The following AMN variants were observed in gnomAD, a reference collection of about 807,000 sequenced individuals.
The protein encoded by AMN is amnion associated transmembrane protein, also known as protein amnionless.
A neutral mutation model predicts 49.1 loss-of-function variants in AMN; 40 were observed. That is an observed-to-expected ratio of 0.81 (90% CI 0.63 to 1.06). AMN has a LOEUF of 1.06. Among genes scored for constraint, AMN ranks in the 50% least tolerant of loss-of-function variants. AMN has a pLI of 0.00. For synonymous variants in AMN, 380 were observed against 313.3 expected (o/e 1.21, Z -2.25); for missense variants, 701 against 662.8 (o/e 1.06, Z -0.63).
intron 3 of AMN, among the ~76,000 whole-genome samples, chr14:102,928,033 T>C (rs1056547898): frequency 6.6e-6 from 1 of 152,184 alleles, no homozygotes; most frequent in Non-Finnish European, 1.5e-5. Context: ...CTTTAGTTCC[T>C]GGAACCTGGG....
In AMN at chr14:102,929,663, G is replaced by C; in HGVS notation, c.769G>C (p.Val257Leu). The change falls in exon 8 of 12, where the codon GTG becomes CTG. Residue 257 changes from valine (V) to leucine (L), a missense_variant. Transcript: ENST00000299155. The part of the protein sequence containing the change: ...GQCCDLCGAV[V>L]LLTHGPAFDL... ...CTGCCCTCCCGCCGCAGGAGCCGTTGTGTTGCTGACCCACGGCCCCGCATT... is the reference window on the plus strand; with the variant it reads ...CTGCCCTCCCGCCGCAGGAGCCGTTCTGTTGCTGACCCACGGCCCCGCATT... 1 of 1,549,668 alleles carries C rather than the reference G, an allele frequency of 6.5e-7. No homozygotes were observed. The highest frequency in any genetic ancestry group is 8.7e-7 in the Non-Finnish European group (1 of 1,147,074).
Position 102,928,887 on chromosome 14 carries a change from T to A in AMN, c.425T>A (p.Val142Asp). The A allele has an allele frequency of 6.2e-7, 1 of 1,603,826 alleles. No individual in the cohort carries two copies. The highest frequency in any genetic ancestry group is 8.5e-7 in the Non-Finnish European group (1 of 1,179,746). Residue 142 changes from valine (V) to aspartate (D), a missense_variant, in exon 5 of 12, where the codon GTC becomes GAC. By Grantham distance (152) the Val-to-Asp change is radical. Coordinates refer to ENST00000299155, the MANE Select transcript of AMN (RefSeq NM_030943.4). Reference protein sequence around the residue: ...AERVPCRHDDVFFPPSASFRV... With the variant: ...AERVPCRHDDDFFPPSASFRV... The stretch of plus-strand genomic sequence containing the variant: ...CGCGTGCCCTGCCGCCACGACGACG[T>A]CTTCTTTCCGCCTAGTGCCTCCTTC...
In AMN at chr14:102,929,651, G is replaced by A. The variant is rs531701170; in HGVS notation, c.761-4G>A. On this transcript the variant is annotated splice_region_variant and splice_polypyrimidine_tract_variant and intron_variant, in intron 7 of 11. Coordinates refer to ENST00000299155, the MANE Select transcript of AMN (RefSeq NM_030943.4). ...CGGCGCTGACCCCTGCCCTCCCGCC[G>A]CAGGAGCCGTTGTGTTGCTGACCCA... 52 of 1,549,140 alleles carry A rather than the reference G, an allele frequency of 3.4e-5. No homozygotes were observed. In the Middle Eastern group the frequency reaches 8.0e-4, roughly 24 times the overall value.
In AMN at chr14:102,928,916, G is replaced by T. The variant is rs201055900; in HGVS notation, c.454G>T (p.Val152Leu). The change falls in exon 5 of 12, where the codon GTG becomes TTG. Residue 152 changes from valine (V) to leucine (L), a missense_variant. Transcript: ENST00000299155. The part of the protein sequence containing the change: ...VFFPPSASFR[V>L]GLGPGASPVR... ...CTTTCCGCCTAGTGCCTCCTTCCGC[G>T]TGGGGCTCGGCCCTGGCGCTAGCCC... 136 of 1,602,134 alleles carry T rather than the reference G, an allele frequency of 8.5e-5. No individual in the cohort carries two copies. In the East Asian group the frequency reaches 3.0e-3, roughly 35 times the overall value.
chr14:102,926,386 C>T (rs1477261720), intron 3 of AMN, among the ~76,000 whole-genome samples: 3 of 152,092 alleles, frequency 2.0e-5, no homozygotes, highest in Admixed American at 2.0e-4. Context: ...TGTTGTGGGT[C>T]TCTCTGAGCC....
At position 102,928,778 on chromosome 14, in the gene AMN, G is replaced by A. The variant is rs1414522498; in HGVS notation, c.316G>A (p.Asp106Asn). The change falls in exon 5 of 12, where the codon GAC becomes AAC. Residue 106 changes from aspartate to asparagine, a missense_variant. Physicochemically the swap from Asp to Asn is conservative, Grantham distance 23. Coordinates refer to ENST00000299155, the MANE Select transcript of AMN (RefSeq NM_030943.4). ...CGAGEPAVFR[D>N]SDRFSWHDPH... ...CTCAGGCGAACCTGCCGTCTTCCGC[G>A]ACTCTGACCGCTTCTCCTGGCATGA... 2 of 1,608,572 alleles carry A rather than the reference G, an allele frequency of 1.2e-6. No homozygotes were observed. The highest frequency in any genetic ancestry group is 1.1e-5 in the South Asian group (1 of 91,070).
intron 3 of AMN, among the ~76,000 whole-genome samples, chr14:102,924,335 A>G (rs1054474432): frequency 3.6e-5 from 4 of 110,620 alleles, no homozygotes; most frequent in East Asian, 2.4e-4. Context: ...CACTAGGGAA[A>G]GTGTCCCCAA....
rs779483487 is a variant in AMN, at chr14:102,928,464, A to G, written c.246A>G (p.Gly82=). The change falls in exon 4 of 12, where the codon GGA becomes GGG. Residue 82 remains glycine (G), a synonymous_variant. Coordinates refer to ENST00000299155, the MANE Select transcript of AMN (RefSeq NM_030943.4). ...PLDGELVLAS[G]AGFGVSDVGS... ...ATGGGGAACTCGTCCTGGCTTCAGG[A>G]GCCGGATTCGGCGTCTCAGACGTGG... is the stretch of plus-strand genomic sequence containing the variant. 22 of 1,609,196 alleles carry G rather than the reference A, an allele frequency of 1.4e-5. No homozygotes were observed. The highest frequency in any genetic ancestry group is 1.8e-5 in the Non-Finnish European group (21 of 1,178,968).
Position 102,929,744 on chromosome 14 carries a change from G to A in AMN, c.843+7G>A. The A allele has an allele frequency of 1.3e-6, 2 of 1,549,614 alleles. No homozygotes were observed. Among genetic ancestry groups the A allele is most frequent in the Non-Finnish European group, 1.7e-6 (2 of 1,146,936 alleles). ...GGACACCTTCCTGGGTCTGGTAATG[G>A]GGCCGCGCGGGCAGCTGAGGGGAGT... is the stretch of plus-strand genomic sequence containing the variant. On this transcript the variant is annotated splice_region_variant and intron_variant, in intron 8 of 11. Coordinates refer to ENST00000299155, the MANE Select transcript of AMN (RefSeq NM_030943.4).
Position 102,929,647 on chromosome 14 carries a change from C to T in AMN, c.761-8C>T, listed in dbSNP as rs1891285205. On this transcript the variant is annotated splice_region_variant and splice_polypyrimidine_tract_variant and intron_variant, in intron 7 of 11. Coordinates refer to ENST00000299155, the MANE Select transcript of AMN (RefSeq NM_030943.4). ...TCCACGGCGCTGACCCCTGCCCTCC[C>T]GCCGCAGGAGCCGTTGTGTTGCTGA... The T allele has an allele frequency of 6.5e-7, 1 of 1,549,102 alleles. No homozygotes were observed. The highest frequency in any genetic ancestry group is 8.7e-7 in the Non-Finnish European group (1 of 1,146,858).
In AMN at chr14:102,928,590, G is replaced by T. The variant is rs1020598607; in HGVS notation, c.295+77G>T. ...GGACTGGAGGGAAGGCGCGTCGAGG[G>T]GGGCGAGGACCGGAGGGAGGGCGCC... On this transcript the variant is annotated intron_variant, in intron 4 of 11. Transcript: ENST00000299155. 4 of 1,527,052 alleles carry T rather than the reference G, an allele frequency of 2.6e-6. No individual in the cohort carries two copies. The African/African-American group carries it at 4.1e-5, about 16-fold the overall frequency. The allele number at this position is 1,527,052 out of a possible 1,614,324, so 94.6% of individuals were successfully genotyped here. A position where few individuals can be genotyped will look rare whatever the true frequency, so the allele number is the denominator to read the frequency against.
rs1891130896 is a variant in AMN, at chr14:102,923,985, G to A, written c.207+6G>A. The A allele has an allele frequency of 6.2e-7, 1 of 1,613,160 alleles. No homozygotes were observed. Among genetic ancestry groups the A allele is most frequent in the Non-Finnish European group, 8.5e-7 (1 of 1,180,040 alleles). On this transcript the variant is annotated splice_donor_region_variant and intron_variant, in intron 3 of 11. Coordinates refer to ENST00000299155, the MANE Select transcript of AMN (RefSeq NM_030943.4). ...GTCACGCCGTCTCAGACATGGTAAG[G>A]CCGGGCTGCTACTGCCACTGGGCTG...
intron 1 of AMN, chr14:102,923,253 C>T (rs941122642): frequency 2.2e-5 from 6 of 275,328 alleles, no homozygotes; most frequent in East Asian, 2.0e-4. Context: ...CCCCCAGCCC[C>T]TTCTTACTTC....
chr14:102,930,052 G>A lies in AMN; in HGVS notation c.972G>A (p.Leu324=). ...CCGAGACAGGCGGAGCGGGGCGGCT[G>A]GCCCGGGCCCTCCTGGCGGACGTCG... ...NGPETGGAGR[L]ARALLADVAE... is the part of the protein sequence containing the mutation. Residue 324 remains leucine, a synonymous_variant, in exon 9 of 12, where the codon CTG becomes CTA. Coordinates refer to ENST00000299155, the MANE Select transcript of AMN (RefSeq NM_030943.4). 3 of 1,546,588 alleles carry A rather than the reference G, an allele frequency of 1.9e-6. No individual in the cohort carries two copies. The highest frequency in any genetic ancestry group is 2.6e-6 in the Non-Finnish European group (3 of 1,146,360).
In AMN at chr14:102,929,001, G is replaced by A. The variant is rs757258321; in HGVS notation, c.513+26G>A. 3 of 1,595,826 alleles carry A rather than the reference G, an allele frequency of 1.9e-6. No individual in the cohort carries two copies. The African/African-American group carries it at 4.0e-5, about 21-fold the overall frequency. The stretch of plus-strand genomic sequence containing the variant: ...GTGAGCACTGAGGGGAGGGAGGCTC[G>A]GGTCCCCTCTCCCCACCTCGGCCCG... On this transcript the variant is annotated intron_variant, in intron 5 of 11. Coordinates refer to ENST00000299155, the MANE Select transcript of AMN (RefSeq NM_030943.4).
chr14:102,926,502 T>C (rs28548211), intron 3 of AMN, among the ~76,000 whole-genome samples: 59,610 of 151,814 alleles, frequency 0.39, 12,020 homozygotes, highest in Middle Eastern at 0.46. Flanking sequence ...CAAGGTTCTT[T>C]GTGGATCTCA....
chr14:102,930,485 G>T lies in AMN; in HGVS notation c.1249G>T (p.Glu417Ter). The part of the protein sequence containing the change: ...RNPVFDVTAS[E>*]ELPLPRRLSL... ...CCCGGTGTTCGACGTGACGGCCTCC[G>T]AGGAGCTGGTGAGGGGGCTGGAGGG... The change falls in exon 11 of 12, where the codon GAG becomes TAG. Residue 417 changes from glutamate (E) to a stop codon, truncating the protein, a stop_gained. Transcript: ENST00000299155. LOFTEE classifies it low-confidence loss of function (END_TRUNC). 6.5e-7 allele frequency: 1 copy of T among 1,534,846 alleles called. No individual in the cohort carries two copies.
chr14:102,924,542 C>G (rs1343727940), intron 3 of AMN, among the ~76,000 whole-genome samples: 2 of 152,166 alleles, frequency 1.3e-5, no homozygotes, highest in African/African-American at 4.8e-5. Context: ...TGAGATGGGA[C>G]AGCTTAATCC....
chr14:102,929,976 G>C lies in AMN; in HGVS notation c.896G>C (p.Arg299Pro). Residue 299 changes from arginine (R) to proline (P), a missense_variant, in exon 9 of 12, where the codon CGG becomes CCG. Coordinates refer to ENST00000299155, the MANE Select transcript of AMN (RefSeq NM_030943.4). ...VAVSKVPRSS[R>P]LREADTEIQV... ...GTGTCCAAGGTGCCACGCTCGTCCC[G>C]GCTCCGTGAGGCCGATACGGAGATC... 1 of 1,564,268 alleles carries C rather than the reference G, an allele frequency of 6.4e-7. No homozygotes were observed. The highest frequency in any genetic ancestry group is 8.7e-7 in the Non-Finnish European group (1 of 1,155,392).
Sources: gnomAD v4.1 joint callset for allele counts (sites outside exome capture counted in the v4.1 genomes callset) on GRCh38, gnomAD v4.1.1 for gene constraint, MANE v1.5 for transcripts, NCBI Gene and HGNC (gene_info 2026-07-23, HGNC 2026-07-21) for gene names.